Variants in LHFPL6 observed in about 807,000 individuals in gnomAD.
The protein encoded by LHFPL6 is LHFPL tetraspan subfamily member 6 protein.
In LHFPL6, 9 loss-of-function variants were observed where a neutral mutation model predicts 20.6. The observed-to-expected ratio is 0.44, with a 90% CI of 0.26 to 0.76. LHFPL6 has a LOEUF of 0.76. Among genes scored for constraint, LHFPL6 ranks in the 30% least tolerant of loss-of-function variants. LHFPL6 has a pLI of 0.20. For missense variants in LHFPL6, 218 were observed against 253.5 expected, an observed-to-expected ratio of 0.86 and a Z score of 0.95; for synonymous variants, 105 against 98.7, an observed-to-expected ratio of 1.06 and a Z score of -0.38.
At chr13:39,592,366 A>T (rs997457109) in intron 2 of LHFPL6, among the ~76,000 whole-genome samples, 1 of 152,190 alleles carries the variant, frequency 6.6e-6, no homozygotes, top group African/African-American at 2.4e-5. Flanking sequence ...AAACTAGAAA[A>T]TCTAGAAGAA....
At chr13:39,416,736 C>T (rs1385783813) in intron 2 of LHFPL6, among the ~76,000 whole-genome samples, 2 of 152,128 alleles carry the variant, frequency 1.3e-5, no homozygotes, top group Non-Finnish European at 2.9e-5. Context: ...AGTCATTGTG[C>T]AGTTTTTTAA....
intron 2 of LHFPL6, among the ~76,000 whole-genome samples, chr13:39,533,047 C>T (rs1436391894): frequency 1.3e-5 from 2 of 152,148 alleles, no homozygotes; most frequent in Non-Finnish European, 2.9e-5. Context: ...CCATTTTAAG[C>T]CATAGACATT....
At chr13:39,378,879 A>G (rs531477684) in intron 2 of LHFPL6, among the ~76,000 whole-genome samples, 1 of 152,354 alleles carries the variant, frequency 6.6e-6, no homozygotes, top group East Asian at 1.9e-4. Context: ...TTCAAGAGCA[A>G]GCAAAAGTTC....
At chr13:39,403,073 A>G (rs1306574536) in intron 2 of LHFPL6, among the ~76,000 whole-genome samples, 2 of 152,244 alleles carry the variant, frequency 1.3e-5, no homozygotes, top group Non-Finnish European at 1.5e-5. Context: ...AGATAACAAG[A>G]TAATTTAATA....
At chr13:39,349,835 G>A (rs78793792) in intron 3 of LHFPL6, among the ~76,000 whole-genome samples, 6,547 of 152,142 alleles carry the variant, frequency 0.043, 158 homozygotes, top group Non-Finnish European at 0.05. Flanking sequence ...TGAGGGGATG[G>A]GAAATATAAT....
At chr13:39,379,555 TTCAATA>T (rs1870384385) in intron 2 of LHFPL6, among the ~76,000 whole-genome samples, 1 of 152,194 alleles carries the variant, frequency 6.6e-6, no homozygotes, top group Admixed American at 6.5e-5. Context: ...AAAGGAGATC[TTCAATA>T]TTTCTGCACC....
At chr13:39,577,407 G>A (rs764288471) in intron 2 of LHFPL6, among the ~76,000 whole-genome samples, 2 of 152,162 alleles carry the variant, frequency 1.3e-5, no homozygotes, top group Non-Finnish European at 2.9e-5. Context: ...TAGCATTTTA[G>A]AAAGGAGCAT....
At chr13:39,560,995 C>T (rs763317662) in intron 2 of LHFPL6, among the ~76,000 whole-genome samples, 5 of 152,100 alleles carry the variant, frequency 3.3e-5, no homozygotes, top group Non-Finnish European at 7.3e-5. Flanking sequence ...TTCCAGCCTC[C>T]TCTCTGGCCA....
At chr13:39,437,520 T>C (rs1187954459) in intron 2 of LHFPL6, among the ~76,000 whole-genome samples, 1 of 152,250 alleles carries the variant, frequency 6.6e-6, no homozygotes, top group Non-Finnish European at 1.5e-5. Context: ...GAAACTTCTA[T>C]GCTTTCTGCA....
At chr13:39,523,885 T>C (rs1870201164) in intron 2 of LHFPL6, among the ~76,000 whole-genome samples, 2 of 152,006 alleles carry the variant, frequency 1.3e-5, no homozygotes. Flanking sequence ...CGTTAAGAGC[T>C]AAAGAAAGAT....
intron 2 of LHFPL6, among the ~76,000 whole-genome samples, chr13:39,399,468 G>A (rs934846734): frequency 5.3e-5 from 8 of 152,316 alleles, no homozygotes; most frequent in Middle Eastern, 3.4e-3. Flanking sequence ...AAACTTGGAA[G>A]CAAGAGTTGA....
At position 39,512,888 on chromosome 13, in the gene LHFPL6, G is replaced by A. The variant is rs180899204; in HGVS notation, c.385+87944C>T. 6.6e-5 allele frequency among the ~76,000 whole-genome samples: 10 copies of A among 152,366 alleles called. No homozygotes were observed. The East Asian group carries it at 1.9e-3, about 29-fold the overall frequency. On this transcript the variant is annotated intron_variant, in intron 2 of 3. Coordinates refer to ENST00000379589, the MANE Select transcript of LHFPL6 (RefSeq NM_005780.3). ...GCCCATTCCTGGCCGTTGGAGAGGT[G>A]AGATGGCAGGCTTGAAAGACGTGCC...
intron 2 of LHFPL6, among the ~76,000 whole-genome samples, chr13:39,461,669 A>C (rs1333075802): frequency 1.3e-5 from 2 of 152,226 alleles, no homozygotes; most frequent in Non-Finnish European, 2.9e-5. Flanking sequence ...AAAGGAAAAA[A>C]AAACATGACC....
rs554150352 is a variant in LHFPL6 at position 39,520,191 on chromosome 13, T to G, written c.385+80641A>C. Among the ~76,000 whole-genome samples, 3 of 152,256 alleles carry G rather than the reference T, an allele frequency of 2.0e-5. No homozygotes were observed. In the South Asian group the frequency reaches 6.2e-4, roughly 32 times the overall value. ...CCTACAGTTAGGGCAGATGTAGACA[T>G]GAAGGGCCTGTATCAAGAACCACAC... On this transcript the variant is annotated intron_variant, in intron 2 of 3. Transcript: ENST00000379589.
intron 2 of LHFPL6, among the ~76,000 whole-genome samples, chr13:39,505,416 A>G (rs1461434708): frequency 6.6e-6 from 1 of 152,128 alleles, no homozygotes; most frequent in Admixed American, 6.6e-5. Context: ...GAGGAGGTTG[A>G]GTGACAAACT....
At chr13:39,384,209 A>G (rs1406617932) in intron 2 of LHFPL6, among the ~76,000 whole-genome samples, 1 of 152,344 alleles carries the variant, frequency 6.6e-6, no homozygotes, top group African/African-American at 2.4e-5. Flanking sequence ...AGCACAATTT[A>G]TGCTAATTAT....
intron 3 of LHFPL6, among the ~76,000 whole-genome samples, chr13:39,345,536 A>AAAAAAAAAAAAAAAAAAAAAAAAAAAAC: frequency 6.9e-6 from 1 of 145,806 alleles, no homozygotes; most frequent in Non-Finnish European, 1.5e-5. Context: ...AAAAAAAAAA[A>AAAAAAAAAAAAAAAAAAAAAAAAAAAAC]AAAAGAAAGA....
chr13:39,407,184 T>G (rs746787763), intron 2 of LHFPL6, among the ~76,000 whole-genome samples: 28 of 152,208 alleles, frequency 1.8e-4, no homozygotes, highest in Non-Finnish European at 3.8e-4. Flanking sequence ...AATTTCTCCA[T>G]TGGATTCCAA....
At chr13:39,547,501 C>T (rs1180488950) in intron 2 of LHFPL6, among the ~76,000 whole-genome samples, 1 of 152,078 alleles carries the variant, frequency 6.6e-6, no homozygotes. Flanking sequence ...TGAGTCTTTC[C>T]AAGGAACTGG....
Sources: gnomAD v4.1 joint callset for allele counts (sites outside exome capture counted in the v4.1 genomes callset) on GRCh38, gnomAD v4.1.1 for gene constraint, MANE v1.5 for transcripts, NCBI Gene and HGNC (gene_info 2026-07-23, HGNC 2026-07-21) for gene names.